ENTREP2: variants seen among roughly 807,000 people sequenced by gnomAD.
ENTREP2 encodes the protein endosomal transmembrane epsin interactor 2.
chr15:29,649,147 T>C, the ENTREP2 span, among the ~76,000 whole-genome samples: 117 of 151,702 alleles, frequency 7.7e-4, no homozygotes, highest in African/African-American at 2.7e-3. Context: ...ACTGAAGGAA[T>C]AGCTGACCTC....
chr15:29,346,130 G>A, the ENTREP2 span, among the ~76,000 whole-genome samples: 121 of 152,302 alleles, frequency 7.9e-4, no homozygotes, highest in African/African-American at 2.7e-3. Flanking sequence ...GCTGCACAAC[G>A]ACGCCAAGAA....
At chr15:29,583,572 G>A in the ENTREP2 span, among the ~76,000 whole-genome samples, 1 of 152,080 alleles carries the variant, frequency 6.6e-6, no homozygotes, top group Non-Finnish European at 1.5e-5. Context: ...GATAGGTGCA[G>A]CAAACCACCA....
chr15:29,619,863 G>A, the ENTREP2 span, among the ~76,000 whole-genome samples: 1 of 151,940 alleles, frequency 6.6e-6, no homozygotes, highest in African/African-American at 2.4e-5. Context: ...TCTGGTTTCT[G>A]GGCCATCTCT....
the ENTREP2 span, among the ~76,000 whole-genome samples, chr15:29,619,662 C>CT: frequency 3.3e-5 from 5 of 150,262 alleles, no homozygotes; most frequent in Non-Finnish European, 7.4e-5. Flanking sequence ...AAATGGAACT[C>CT]TGACTGCTCA....
At chr15:29,522,547 A>T in the ENTREP2 span, among the ~76,000 whole-genome samples, 1 of 152,216 alleles carries the variant, frequency 6.6e-6, no homozygotes, top group African/African-American at 2.4e-5. Context: ...TTCCTCAAGA[A>T]AAATGTCTGA....
At chr15:29,589,839 C>T in the ENTREP2 span, among the ~76,000 whole-genome samples, 1 of 152,318 alleles carries the variant, frequency 6.6e-6, no homozygotes, top group East Asian at 1.9e-4. Flanking sequence ...GGACAGGCTG[C>T]TCAATATTCC....
chr15:29,130,949 C>T, the ENTREP2 span, among the ~76,000 whole-genome samples: 8 of 152,126 alleles, frequency 5.3e-5, no homozygotes, highest in African/African-American at 1.2e-4. Context: ...AGAAGGAGAG[C>T]GGGGAGAGGG....
At chr15:29,640,866 T>C in the ENTREP2 span, among the ~76,000 whole-genome samples, 1 of 151,982 alleles carries the variant, frequency 6.6e-6, no homozygotes, top group African/African-American at 2.4e-5. Context: ...AACAAAGATA[T>C]CACAAGAAGA....
At chr15:29,528,988 T>C in the ENTREP2 span, among the ~76,000 whole-genome samples, 1 of 151,764 alleles carries the variant, frequency 6.6e-6, no homozygotes, top group East Asian at 2.0e-4. Context: ...CTTTGTCCCA[T>C]GTGATTGTAC....
chr15:29,423,695 G>A, the ENTREP2 span, among the ~76,000 whole-genome samples: 9 of 152,016 alleles, frequency 5.9e-5, no homozygotes, highest in Non-Finnish European at 1.0e-4. Flanking sequence ...CTACGCCAGA[G>A]GCTGAGGCAG....
the ENTREP2 span, among the ~76,000 whole-genome samples, chr15:29,213,157 T>C: frequency 6.6e-6 from 1 of 152,220 alleles, no homozygotes; most frequent in Non-Finnish European, 1.5e-5. Context: ...TACATCTCTG[T>C]TTTGGTACCA....
chr15:29,514,446 T>A, the ENTREP2 span, among the ~76,000 whole-genome samples: 2 of 152,228 alleles, frequency 1.3e-5, no homozygotes, highest in Non-Finnish European at 2.9e-5. Flanking sequence ...ATTTTATGTA[T>A]CCACTCATCT....
At chr15:29,490,319 T>C in the ENTREP2 span, among the ~76,000 whole-genome samples, 10 of 152,184 alleles carry the variant, frequency 6.6e-5, no homozygotes, top group Admixed American at 6.5e-4. Context: ...CTCTTGAAGG[T>C]AATACAGAGC....
chr15:29,547,156 C>A, the ENTREP2 span, among the ~76,000 whole-genome samples: 1 of 149,730 alleles, frequency 6.7e-6, no homozygotes, highest in Non-Finnish European at 1.5e-5. Flanking sequence ...GGCGCAATTT[C>A]GGCTCACTAC....
chr15:29,566,846 T>TACACACACACACACACACACACAC, the ENTREP2 span, among the ~76,000 whole-genome samples: 282 of 146,162 alleles, frequency 1.9e-3, 1 homozygote, highest in African/African-American at 6.3e-3. Context: ...AAAGGAAAAA[T>TACACACACACACACACACACACAC]ACACACACAC....
the ENTREP2 span, among the ~76,000 whole-genome samples, chr15:29,294,122 A>C: frequency 6.6e-6 from 1 of 152,166 alleles, no homozygotes; most frequent in South Asian, 2.1e-4. Context: ...GACAGTCAAC[A>C]CAAGGAGACT....
chr15:29,356,268 G>A, the ENTREP2 span, among the ~76,000 whole-genome samples: 7 of 57,594 alleles, frequency 1.2e-4, no homozygotes, highest in Non-Finnish European at 2.0e-4. Context: ...GTGTGTGTGT[G>A]TATATATATA....
the ENTREP2 span, among the ~76,000 whole-genome samples, chr15:29,659,803 T>TA: frequency 1.7e-3 from 159 of 96,132 alleles, no homozygotes; most frequent in African/African-American, 0.014. Context: ...TGCCACTATA[T>TA]TTTTTTTTTT....
At chr15:29,274,327 T>C in the ENTREP2 span, among the ~76,000 whole-genome samples, 3 of 152,188 alleles carry the variant, frequency 2.0e-5, no homozygotes, top group African/African-American at 7.2e-5. Context: ...GATTATTAAG[T>C]TTTGAGGCTC....
Sources: gnomAD v4.1 joint callset for allele counts (sites outside exome capture counted in the v4.1 genomes callset) on GRCh38, gnomAD v4.1.1 for gene constraint, MANE v1.5 for transcripts, NCBI Gene and HGNC (gene_info 2026-07-23, HGNC 2026-07-21) for gene names.